Variants in ZZZ3 observed in about 807,000 individuals in gnomAD.
ZZZ3 encodes ZZ-type zinc finger-containing protein 3.
Under a neutral mutation model 95.2 loss-of-function variants are expected in ZZZ3, and 22 were observed. The ratio of observed to expected loss-of-function variants is 0.23; its 90% CI spans 0.17 to 0.33. ZZZ3 has a LOEUF of 0.33. Ranked by LOEUF, ZZZ3 falls within the 10% of genes least tolerant of loss-of-function variation. The pLI is 1.00. For missense variants in ZZZ3, 885 were observed against 1,066.5 expected, an observed-to-expected ratio of 0.83 and a Z score of 2.37; for synonymous variants, 335 against 358.9, an observed-to-expected ratio of 0.93 and a Z score of 0.75.
At chr1:77,657,728 G>A (rs1002791234) in intron 1 of ZZZ3, among the ~76,000 whole-genome samples, 1 of 152,156 alleles carries the variant, frequency 6.6e-6, no homozygotes, top group Non-Finnish European at 1.5e-5. Context: ...AGGACCCCAA[G>A]TATAGGTATC....
intron 5 of ZZZ3, among the ~76,000 whole-genome samples, chr1:77,630,951 C>T (rs552036951): frequency 2.0e-5 from 3 of 152,278 alleles, no homozygotes; most frequent in African/African-American, 7.2e-5. Context: ...AATTCAAAAG[C>T]CTACCCTGTA....
chr1:77,595,131 A>G (rs915014528), intron 5 of ZZZ3, among the ~76,000 whole-genome samples: 29 of 152,082 alleles, frequency 1.9e-4, no homozygotes, highest in African/African-American at 7.0e-4. Context: ...AACATGCAGC[A>G]CTACCTTCAA....
intron 10 of ZZZ3, 133 bp downstream of exon 10, chr1:77,579,394 A>G: frequency 3.4e-6 from 2 of 584,296 alleles, no homozygotes; most frequent in Non-Finnish European, 5.9e-6. Flanking sequence ...ATTTTTTTAA[A>G]AAAACACCAC....
Position 77,568,721 on chromosome 1 carries a change from G to A in ZZZ3, c.2332-255C>T, listed in dbSNP as rs372373861. 1.7e-4 allele frequency among the ~76,000 whole-genome samples: 25 copies of A among 150,850 alleles called. 1 individual carries two copies. The South Asian group carries it at 4.8e-3, about 29-fold the overall frequency. On this transcript the variant is annotated intron_variant, in intron 12 of 14. Transcript: ENST00000370801. ...TTCAATGCAGGTAAAAGGGAAGCAC[G>A]GCCATGATTACCACCTCTGTCACAC...
intron 5 of ZZZ3, among the ~76,000 whole-genome samples, chr1:77,597,675 T>C (rs1329472976): frequency 6.6e-6 from 1 of 151,992 alleles, no homozygotes; most frequent in Non-Finnish European, 1.5e-5. Flanking sequence ...CAAATTCAAA[T>C]AGAGAGGCAT....
At chr1:77,578,510 G>C (rs889036497) in intron 11 of ZZZ3, among the ~76,000 whole-genome samples, 1 of 151,958 alleles carries the variant, frequency 6.6e-6, no homozygotes, top group African/African-American at 2.4e-5. Flanking sequence ...CCTCACAAAG[G>C]CCTTTCTAAC....
intron 5 of ZZZ3, among the ~76,000 whole-genome samples, chr1:77,587,817 C>T (rs1470472970): frequency 6.6e-6 from 1 of 152,220 alleles, no homozygotes; most frequent in Non-Finnish European, 1.5e-5. Flanking sequence ...ACAGCAATAC[C>T]AACCCCACCT....
At chr1:77,621,338 A>G (rs117632946) in intron 5 of ZZZ3, among the ~76,000 whole-genome samples, 1,555 of 151,264 alleles carry the variant, frequency 0.01, 26 homozygotes, top group South Asian at 0.042. Context: ...ATAAAATTAG[A>G]AGGCTGAGGC....
chr1:77,568,530 A>G (rs1483322744), intron 12 of ZZZ3, 64 bp from the exon 13 acceptor site: 40 of 812,156 alleles, frequency 4.9e-5, no homozygotes, highest in Non-Finnish European at 7.2e-5. Flanking sequence ...AGTGTAAGTA[A>G]TACTGATACA....
At position 77,581,085 on chromosome 1, in the gene ZZZ3, G is replaced by A. The variant is rs370321439; in HGVS notation, c.1909-16C>T. 31 of 1,610,480 alleles carry A rather than the reference G, an allele frequency of 1.9e-5. 1 individual carries two copies. The South Asian group carries it at 3.3e-4, about 17-fold the overall frequency. On this transcript the variant is annotated splice_polypyrimidine_tract_variant and intron_variant, in intron 8 of 14. Coordinates refer to ENST00000370801, the MANE Select transcript of ZZZ3 (RefSeq NM_015534.6). ...CTCTTATCATCTGCACATAAGACAAGGCTTTTGTCAGAGAGAAAATAACAA... is the reference window on the plus strand; with the variant it reads ...CTCTTATCATCTGCACATAAGACAAAGCTTTTGTCAGAGAGAAAATAACAA...
rs544274108 is a variant in ZZZ3, at chr1:77,638,241, G to A, written c.-52+1208C>T. On this transcript the variant is annotated intron_variant, in intron 4 of 14. Coordinates refer to ENST00000370801, the MANE Select transcript of ZZZ3 (RefSeq NM_015534.6). ...ATTTCAACTTGTCCATTCATATTAA[G>A]CCCTCAATCCTACCTATAATTTCAC... 1.8e-4 allele frequency among the ~76,000 whole-genome samples: 27 copies of A among 152,198 alleles called. No individual in the cohort carries two copies. In the South Asian group the frequency reaches 5.2e-3, roughly 29 times the overall value.
upstream of ZZZ3, among the ~76,000 whole-genome samples, chr1:77,682,961 A>G (rs187612216): frequency 3.3e-5 from 5 of 152,110 alleles, no homozygotes; most frequent in African/African-American, 4.8e-5. Flanking sequence ...ACGTGGAAAC[A>G]TTTTCGGCGT....
At chr1:77,642,889 T>C (rs1376745261) in intron 1 of ZZZ3, among the ~76,000 whole-genome samples, 1 of 152,242 alleles carries the variant, frequency 6.6e-6, no homozygotes, top group African/African-American at 2.4e-5. Context: ...AAGAAACATC[T>C]ATCCTCAAAC....
At chr1:77,676,594 T>C (rs545244930) in intron 1 of ZZZ3, among the ~76,000 whole-genome samples, 2 of 152,334 alleles carry the variant, frequency 1.3e-5, no homozygotes, top group Admixed American at 6.5e-5. Context: ...AAAGGAATTA[T>C]AAAACATTGT....
At chr1:77,588,092 G>A (rs1181322929) in intron 5 of ZZZ3, among the ~76,000 whole-genome samples, 1 of 152,142 alleles carries the variant, frequency 6.6e-6, no homozygotes, top group African/African-American at 2.4e-5. Context: ...AGTTTTAGGG[G>A]AGTCAAAAGT....
At chr1:77,630,202 G>C (rs1667672813) in intron 5 of ZZZ3, among the ~76,000 whole-genome samples, 1 of 152,172 alleles carries the variant, frequency 6.6e-6, no homozygotes, top group Non-Finnish European at 1.5e-5. Context: ...TAGGCCAGGT[G>C]CAGTGGCTCA....
At chr1:77,660,134 C>T (rs1670656101) in intron 1 of ZZZ3, among the ~76,000 whole-genome samples, 1 of 152,104 alleles carries the variant, frequency 6.6e-6, no homozygotes, top group Non-Finnish European at 1.5e-5. Flanking sequence ...GCCTGGCTGA[C>T]ATTTCATTTT....
At position 77,579,370 on chromosome 1, in the gene ZZZ3, C is replaced by T. The variant is rs563958861; in HGVS notation, c.2082+157G>A. Among the ~76,000 whole-genome samples the T allele has an allele frequency of 2.7e-3, 404 of 152,188 alleles. 3 individuals are homozygous for T. Among genetic ancestry groups the T allele is most frequent in the Non-Finnish European group, 4.3e-3 (290 of 67,990 alleles). On this transcript the variant is annotated intron_variant, in intron 10 of 14. Transcript: ENST00000370801. ...TATCTCAAGTTGTTTCTGAAATCAACGAAAATATATACAATTTTTTTAAAA... is the reference window on the plus strand; with the variant it reads ...TATCTCAAGTTGTTTCTGAAATCAATGAAAATATATACAATTTTTTTAAAA...
At chr1:77,607,770 A>T (rs1042022832) in intron 5 of ZZZ3, among the ~76,000 whole-genome samples, 1 of 152,002 alleles carries the variant, frequency 6.6e-6, no homozygotes, top group African/African-American at 2.4e-5. Context: ...AAAAATACAA[A>T]AATTAGCTGG....
Sources: allele counts gnomAD v4.1 joint callset (sites outside exome capture counted in the v4.1 genomes callset), GRCh38; gene constraint gnomAD v4.1.1; transcripts MANE v1.5; gene names NCBI Gene and HGNC (gene_info 2026-07-23, HGNC 2026-07-21).